Variants in ADGRL3 observed in about 807,000 individuals in gnomAD.
The protein encoded by ADGRL3 is calcium-independent alpha-latrotoxin receptor 3.
Under a neutral mutation model 153.5 loss-of-function variants are expected in ADGRL3, and 62 were observed. The ratio of observed to expected loss-of-function variants is 0.40; its 90% CI spans 0.33 to 0.50. The LOEUF is 0.50. ADGRL3 is among the 20% of genes least tolerant of loss of function. The pLI is 0.47. For synonymous variants in ADGRL3, 710 were observed against 672.5 expected, an observed-to-expected ratio of 1.06 and a Z score of -0.86; for missense variants, 1,641 against 1,859.4, an observed-to-expected ratio of 0.88 and a Z score of 2.16.
chr4:61,769,867 T>C (rs13128230), intron 8 of ADGRL3, among the ~76,000 whole-genome samples: 88,866 of 151,282 alleles, frequency 0.59, 28,143 homozygotes, highest in African/African-American at 0.83. Flanking sequence ...AGGCAAGGAC[T>C]GGCCATTTAC....
At chr4:61,231,133 G>GA (rs1226298858) in intron 1 of ADGRL3, among the ~76,000 whole-genome samples, 1 of 152,302 alleles carries the variant, frequency 6.6e-6, no homozygotes, top group African/African-American at 2.4e-5. Flanking sequence ...AAGATCAGTA[G>GA]AAAAAAGTCT....
intron 6 of ADGRL3, among the ~76,000 whole-genome samples, chr4:61,680,751 G>A (rs578051838): frequency 1.2e-4 from 19 of 152,106 alleles, no homozygotes; most frequent in African/African-American, 4.3e-4. Flanking sequence ...AATAAGAAGA[G>A]TTAGTTTTTA....
chr4:62,010,228 C>T (rs1210504105), intron 21 of ADGRL3, among the ~76,000 whole-genome samples: 2 of 152,092 alleles, frequency 1.3e-5, no homozygotes, highest in Non-Finnish European at 2.9e-5. Flanking sequence ...GAACATTCTA[C>T]CCTTTTAATG....
intron 1 of ADGRL3, among the ~76,000 whole-genome samples, chr4:61,272,523 A>G (rs182357670): frequency 2.0e-5 from 3 of 152,206 alleles, no homozygotes; most frequent in African/African-American, 4.8e-5. Flanking sequence ...ATTTTAAATT[A>G]AAATAATAAC....
intron 15 of ADGRL3, 135 bp downstream of exon 15, chr4:61,936,180 C>T: frequency 1.1e-6 from 1 of 873,428 alleles, no homozygotes; most frequent in Non-Finnish European, 1.8e-6. Context: ...TCTTTCTCCT[C>T]CTCTTCCTCC....
intron 1 of ADGRL3, among the ~76,000 whole-genome samples, chr4:61,357,039 C>T (rs566289291): frequency 1.5e-4 from 23 of 151,838 alleles, no homozygotes; most frequent in African/African-American, 5.6e-4. Flanking sequence ...CTCAACAAGT[C>T]CATTAAAGTG....
chr4:61,777,240 G>A (rs945964051), intron 8 of ADGRL3, among the ~76,000 whole-genome samples: 1 of 152,070 alleles, frequency 6.6e-6, no homozygotes, highest in Non-Finnish European at 1.5e-5. Flanking sequence ...GGCTGAGGCA[G>A]GAGAATGGCC....
intron 6 of ADGRL3, among the ~76,000 whole-genome samples, chr4:61,692,790 G>A (rs2095564757): frequency 6.6e-6 from 1 of 152,056 alleles, no homozygotes; most frequent in Admixed American, 6.6e-5. Context: ...TTTTTGAATA[G>A]CTATTCCCCA....
At chr4:61,588,535 T>C (rs993631473) in intron 5 of ADGRL3, among the ~76,000 whole-genome samples, 1 of 152,006 alleles carries the variant, frequency 6.6e-6, no homozygotes, top group South Asian at 2.1e-4. Context: ...TGATGTGTAC[T>C]TGAAGGGTAA....
intron 6 of ADGRL3, among the ~76,000 whole-genome samples, chr4:61,717,211 TGTGTGTGTGC>T (rs771358778): frequency 0.011 from 1,223 of 107,218 alleles, 10 homozygotes; most frequent in African/African-American, 0.041. Flanking sequence ...TGTGTGTGTG[TGTGTGTGTGC>T]GTGTGTGTGT....
At chr4:61,819,666 T>C (rs1474294149) in intron 9 of ADGRL3, among the ~76,000 whole-genome samples, 1 of 152,148 alleles carries the variant, frequency 6.6e-6, no homozygotes, top group Admixed American at 6.5e-5. Context: ...TAAAATATAT[T>C]AACATAGTCA....
At chr4:61,910,130 A>C (rs545605473) in intron 12 of ADGRL3, among the ~76,000 whole-genome samples, 62 of 152,144 alleles carry the variant, frequency 4.1e-4, no homozygotes, top group African/African-American at 1.4e-3. Flanking sequence ...GTAAAACTTT[A>C]GAACATAATA....
chr4:61,540,102 G>GT (rs1256969681), intron 4 of ADGRL3, among the ~76,000 whole-genome samples: 41 of 152,280 alleles, frequency 2.7e-4, no homozygotes, highest in African/African-American at 9.6e-4. Flanking sequence ...AACCTATGAT[G>GT]TAAGTACCAC....
At chr4:61,865,497 A>G (rs186315185) in intron 9 of ADGRL3, among the ~76,000 whole-genome samples, 1 of 152,170 alleles carries the variant, frequency 6.6e-6, no homozygotes, top group Admixed American at 6.5e-5. Flanking sequence ...CTTTATTCTG[A>G]CTGTACCATA....
At chr4:62,036,135 A>G (rs1450219065) in intron 23 of ADGRL3, among the ~76,000 whole-genome samples, 2 of 152,180 alleles carry the variant, frequency 1.3e-5, no homozygotes, top group Non-Finnish European at 1.5e-5. Flanking sequence ...ACTGGTTGCA[A>G]AACAAATCAA....
At chr4:61,851,140 C>G (rs1223203632) in intron 9 of ADGRL3, among the ~76,000 whole-genome samples, 1 of 152,010 alleles carries the variant, frequency 6.6e-6, no homozygotes, top group Non-Finnish European at 1.5e-5. Flanking sequence ...ATATCCAAGT[C>G]TTTTAGTGTT....
At position 61,984,161 on chromosome 4, in the gene ADGRL3, A is replaced by G. The variant is rs185542309; in HGVS notation, c.3236+558A>G. On this transcript the variant is annotated intron_variant, in intron 19 of 26. Transcript: ENST00000683033. ...CGAGATGTGAAGCATATTAGCATGG[A>G]GTTCAGATAAAAATATGTTTGCAAT... Among the ~76,000 whole-genome samples the G allele has an allele frequency of 2.7e-4, 41 of 152,298 alleles. 1 individual carries two copies. The East Asian group carries it at 7.2e-3, about 27-fold the overall frequency.
At chr4:61,490,952 T>G (rs990154958) in intron 2 of ADGRL3, among the ~76,000 whole-genome samples, 1 of 152,116 alleles carries the variant, frequency 6.6e-6, no homozygotes, top group Non-Finnish European at 1.5e-5. Context: ...ATAGCTAAAA[T>G]TTACAAAACA....
At chr4:61,638,428 T>A (rs757923784) in intron 5 of ADGRL3, among the ~76,000 whole-genome samples, 2 of 152,164 alleles carry the variant, frequency 1.3e-5, no homozygotes, top group Non-Finnish European at 2.9e-5. Flanking sequence ...GTGGTGTGGG[T>A]TAAATGAATC....
Sources: allele counts gnomAD v4.1 joint callset (sites outside exome capture counted in the v4.1 genomes callset), GRCh38; gene constraint gnomAD v4.1.1; transcripts MANE v1.5; gene names NCBI Gene and HGNC (gene_info 2026-07-23, HGNC 2026-07-21).